Variants in ITGB5 observed in about 807,000 individuals in gnomAD.
The protein encoded by ITGB5 is integrin beta-5.
ITGB5 carries 38 observed loss-of-function variants against 84.8 expected under a neutral mutation model. The ratio of observed to expected loss-of-function variants is 0.45; its 90% CI spans 0.35 to 0.59. The LOEUF is 0.59. Among genes scored for constraint, ITGB5 ranks in the 20% least tolerant of loss-of-function variants. The pLI, the probability that ITGB5 is intolerant of heterozygous loss-of-function variation, is 0.01. For synonymous variants in ITGB5, 393 were observed against 414.4 expected, an observed-to-expected ratio of 0.95 and a Z score of 0.63; for missense variants, 905 against 1,034.5, an observed-to-expected ratio of 0.87 and a Z score of 1.72.
Position 124,858,133 on chromosome 3 carries a change from C to CA in ITGB5, c.361+1108dup, listed in dbSNP as rs63273260. On this transcript the variant is annotated intron_variant, in intron 3 of 14. Coordinates refer to ENST00000296181, the MANE Select transcript of ITGB5 (RefSeq NM_002213.5). ...TGGGTGACAGAGCGATACCCCATCTCAAAAAAAAAAAAAAAAAAGATAGCT... is the reference window on the plus strand; with the variant it reads ...TGGGTGACAGAGCGATACCCCATCTCAAAAAAAAAAAAAAAAAAAGATAGCT... Among the ~76,000 whole-genome samples the CA allele has an allele frequency of 8.5e-3, 709 of 83,676 alleles. 1 individual carries two copies. Among genetic ancestry groups the CA allele is most frequent in the South Asian group, 0.017 (50 of 2,886 alleles). The allele number at this position is 83,676 out of a possible 152,430, so 54.9% of individuals were successfully genotyped here.
At chr3:124,842,999 C>G (rs945565973) in intron 4 of ITGB5, among the ~76,000 whole-genome samples, 1 of 152,238 alleles carries the variant, frequency 6.6e-6, no homozygotes, top group African/African-American at 2.4e-5. Context: ...CGCTCTCCCT[C>G]TCGGGGCCGG....
intron 4 of ITGB5, among the ~76,000 whole-genome samples, chr3:124,847,688 G>A (rs570885967): frequency 1.3e-5 from 2 of 152,336 alleles, no homozygotes; most frequent in East Asian, 1.9e-4. Context: ...AAGAGACCCA[G>A]TTGGACTTGA....
At chr3:124,818,403 C>T (rs1265003155) in intron 7 of ITGB5, among the ~76,000 whole-genome samples, 1 of 151,728 alleles carries the variant, frequency 6.6e-6, no homozygotes, top group Non-Finnish European at 1.5e-5. Flanking sequence ...ATGCTTAAGC[C>T]AGTATGGACT....
At chr3:124,771,081 A>G (rs908920195) in intron 11 of ITGB5, among the ~76,000 whole-genome samples, 5 of 147,082 alleles carry the variant, frequency 3.4e-5, no homozygotes, top group African/African-American at 1.2e-4. Flanking sequence ...CATATGCCCC[A>G]TGTACTGGTT....
intron 1 of ITGB5, among the ~76,000 whole-genome samples, chr3:124,875,858 T>C (rs1934286390): frequency 1.3e-5 from 2 of 152,280 alleles, no homozygotes; most frequent in East Asian, 1.9e-4. Flanking sequence ...TGGGACAACA[T>C]GGATGAACCT....
At chr3:124,808,947 C>T in intron 9 of ITGB5, 75 bp downstream of exon 9, 2 of 1,513,504 alleles carry the variant, frequency 1.3e-6, no homozygotes, top group Admixed American at 2.0e-5. Flanking sequence ...CTTAATAAGT[C>T]ACAAAAGTTA....
At chr3:124,862,825 G>C (rs2065324247) in intron 2 of ITGB5, 1 of 152,164 alleles carries the variant, frequency 6.6e-6, no homozygotes, top group African/African-American at 2.4e-5. Flanking sequence ...CTTCCCTAAA[G>C]TTAGCTGCAC....
chr3:124,896,016 CTACTT>C (rs1429845667), intron 1 of ITGB5, among the ~76,000 whole-genome samples: 2 of 152,184 alleles, frequency 1.3e-5, no homozygotes, highest in African/African-American at 4.8e-5. Context: ...GCAGCAGGCT[CTACTT>C]TACATAACCT....
chr3:124,830,717 C>T (rs1265847018), intron 5 of ITGB5, among the ~76,000 whole-genome samples: 2 of 152,188 alleles, frequency 1.3e-5, no homozygotes, highest in East Asian at 1.9e-4. Flanking sequence ...GGCACGGTGG[C>T]TCATGCCTGT....
rs73199538 is a variant in ITGB5, at chr3:124,861,108, A to G, written c.157-1662T>C. Among the ~76,000 whole-genome samples, 784 of 152,176 alleles carry G rather than the reference A, an allele frequency of 5.2e-3. 5 individuals are homozygous for G. The highest frequency in any genetic ancestry group is 9.1e-3 in the Non-Finnish European group (619 of 67,982). On this transcript the variant is annotated intron_variant, in intron 2 of 14. Transcript: ENST00000296181. ...ACACAAAAAAGAACAAGAAGTCAAG[A>G]AGACGCTGCAGTGTTTTTAAATAAG...
Position 124,887,076 on chromosome 3 carries a change from GCGGGGGCCGAGGGC to G in ITGB5, c.-90_-77del, listed in dbSNP as rs1934856933. On this transcript the variant is annotated 5_prime_UTR_variant, in exon 1 of 15. An upstream open reading frame in the 5' UTR loses its in-frame stop. Transcript: ENST00000296181. Reference sequence around the variant, plus strand: ...CGGCGGCCGGGGCTGGGGCCGGAGCGCGGGGGCCGAGGGCCGGGGGCCGCAGCCGCATGCCCCGC... The same window carrying G: ...CGGCGGCCGGGGCTGGGGCCGGAGCGCGGGGGCCGCAGCCGCATGCCCCGC... 8 of 595,558 alleles carry G rather than the reference GCGGGGGCCGAGGGC, an allele frequency of 1.3e-5. No homozygotes were observed. The highest frequency in any genetic ancestry group is 7.0e-5 in the South Asian group (1 of 14,304). 36.9% of individuals were successfully genotyped at this position (595,558 alleles called of 1,614,324 possible).
In ITGB5 at chr3:124,762,483, G is replaced by A. The variant is rs2063708969; in HGVS notation, c.*1140C>T. The A allele has an allele frequency of 6.6e-6, 1 of 152,184 alleles. No individual in the cohort carries two copies. The highest frequency in any genetic ancestry group is 2.4e-5 in the African/African-American group (1 of 41,434). 9.4% of individuals were successfully genotyped at this position (152,184 alleles called of 1,614,324 possible). On this transcript the variant is annotated 3_prime_UTR_variant, in exon 15 of 15. Transcript: ENST00000296181. Reference sequence around the variant, plus strand: ...GGTCAGTCAACCATCTTAGATATGGGAACTTAAGGGGACTTCATGGCCCTG... The same window carrying A: ...GGTCAGTCAACCATCTTAGATATGGAAACTTAAGGGGACTTCATGGCCCTG...
At chr3:124,792,514 T>G (rs2064163471) in intron 10 of ITGB5, 1 of 152,228 alleles carries the variant, frequency 6.6e-6, no homozygotes. Flanking sequence ...ATGGTCCAAA[T>G]TACTCCTGGT....
intron 5 of ITGB5, among the ~76,000 whole-genome samples, chr3:124,824,560 C>G (rs751950024): frequency 3.3e-5 from 5 of 152,118 alleles, no homozygotes; most frequent in Non-Finnish European, 7.4e-5. Context: ...TGTTCAAAAC[C>G]TTCTTTGAAA....
chr3:124,805,444 T>C (rs1048821779), intron 9 of ITGB5, among the ~76,000 whole-genome samples: 4 of 151,742 alleles, frequency 2.6e-5, no homozygotes, highest in Non-Finnish European at 5.9e-5. Context: ...TGCCTAGCCA[T>C]TACTGCCATT....
At chr3:124,794,808 G>A (rs2064197825) in intron 10 of ITGB5, among the ~76,000 whole-genome samples, 2 of 149,712 alleles carry the variant, frequency 1.3e-5, no homozygotes, top group African/African-American at 4.9e-5. Context: ...AAGAAAGAAA[G>A]AGAGAGAGAG....
At chr3:124,867,967 G>A (rs562617856) in intron 2 of ITGB5, among the ~76,000 whole-genome samples, 12 of 152,184 alleles carry the variant, frequency 7.9e-5, no homozygotes, top group Non-Finnish European at 1.3e-4. Context: ...ACCAAGTGGA[G>A]GTAACTGAAT....
At position 124,871,203 on chromosome 3, in the gene ITGB5, C is replaced by CT. The variant is rs537784927; in HGVS notation, c.156+2242dup. Among the ~76,000 whole-genome samples, 287 of 148,720 alleles carry CT rather than the reference C, an allele frequency of 1.9e-3. 3 individuals carry two copies. Among genetic ancestry groups the CT allele is most frequent in the Non-Finnish European group, 1.1e-3 (71 of 66,936 alleles). ...ACTGCACACCAGGCCTGAATTGATT[C>CT]TTTTTTTTTGAGACAGAGTCTCGCC... is the stretch of plus-strand genomic sequence containing the variant. On this transcript the variant is annotated intron_variant, in intron 2 of 14. Transcript: ENST00000296181.
upstream of ITGB5, among the ~76,000 whole-genome samples, chr3:124,888,206 C>A (rs893327164): frequency 6.6e-6 from 1 of 152,090 alleles, no homozygotes; most frequent in Admixed American, 6.5e-5. Flanking sequence ...TGCGAGCCAC[C>A]GTGCCCGGCC....
Sources: gnomAD v4.1 joint callset for allele counts (sites outside exome capture counted in the v4.1 genomes callset) on GRCh38, gnomAD v4.1.1 for gene constraint, MANE v1.5 for transcripts, NCBI Gene and HGNC (gene_info 2026-07-23, HGNC 2026-07-21) for gene names.